LRTM3: variants seen among roughly 807,000 people sequenced by gnomAD.
The protein encoded by LRTM3 is leucine-rich repeat transmembrane protein 3.
the LRTM3 span, chr13:102,744,180 T>C: frequency 5.2e-6 from 8 of 1,550,452 alleles, no homozygotes; most frequent in Non-Finnish European, 6.1e-6. Flanking sequence ...GAATATCTTA[T>C]GATATTAAAC....
the LRTM3 span, chr13:102,740,379 G>T: frequency 3.2e-6 from 5 of 1,550,294 alleles, no homozygotes; most frequent in Middle Eastern, 3.3e-4. Context: ...AACAAGTCTA[G>T]TCCTGGTGTC....
chr13:102,731,621 A>G, the LRTM3 span: 4 of 1,551,428 alleles, frequency 2.6e-6, no homozygotes, highest in Non-Finnish European at 3.5e-6. Context: ...TTTGTCTTGG[A>G]TCATATTTTT....
the LRTM3 span, chr13:102,759,059 A>G: frequency 6.5e-6 from 4 of 614,090 alleles, no homozygotes; most frequent in Non-Finnish European, 1.1e-5. Context: ...TGCTGCTGGT[A>G]TCTTATCAAG....
the LRTM3 span, among the ~76,000 whole-genome samples, chr13:102,753,983 G>T: frequency 8.5e-5 from 13 of 152,256 alleles, no homozygotes; most frequent in African/African-American, 2.4e-4. Flanking sequence ...GGCCGAAGCA[G>T]GTGGATCACT....
At chr13:102,745,913 C>T in the LRTM3 span, 1 of 1,551,134 alleles carries the variant, frequency 6.4e-7, no homozygotes, top group Non-Finnish European at 8.7e-7. Context: ...AATATTTGTA[C>T]TTCCTGGTTG....
At chr13:102,755,685 G>C in the LRTM3 span, among the ~76,000 whole-genome samples, 1 of 151,624 alleles carries the variant, frequency 6.6e-6, no homozygotes, top group Non-Finnish European at 1.5e-5. Flanking sequence ...TTAGAGGACA[G>C]GTCAATAGGT....
the LRTM3 span, chr13:102,735,054 C>T: frequency 3.2e-6 from 5 of 1,551,094 alleles, no homozygotes; most frequent in African/African-American, 4.1e-5. Flanking sequence ...CCTGTATTCA[C>T]ATTAAGGTGA....
the LRTM3 span, chr13:102,741,889 C>T: frequency 0.031 from 48,674 of 1,550,216 alleles, 1,290 homozygotes; most frequent in African/African-American, 0.12. Flanking sequence ...TAATCCTTAA[C>T]GGTCCAATAT....
At chr13:102,749,107 T>G in the LRTM3 span, 2 of 1,549,708 alleles carry the variant, frequency 1.3e-6, no homozygotes, top group Non-Finnish European at 1.7e-6. Context: ...TCCTTTCATG[T>G]AATTCTTTCT....
the LRTM3 span, chr13:102,758,900 C>T: frequency 2.6e-6 from 4 of 1,544,380 alleles, no homozygotes; most frequent in Middle Eastern, 1.7e-4. Flanking sequence ...CACTCCCTAC[C>T]CCTTTTTTAA....
chr13:102,747,439 G>A, the LRTM3 span: 15 of 1,547,772 alleles, frequency 9.7e-6, no homozygotes, highest in East Asian at 3.2e-4. Context: ...TTACATATTT[G>A]ACACTGAGTA....
the LRTM3 span, chr13:102,748,104 C>T: frequency 6.4e-7 from 1 of 1,551,044 alleles, no homozygotes; most frequent in Non-Finnish European, 8.7e-7. Context: ...AATGTGTCTG[C>T]CTTGGCTTTT....
the LRTM3 span, chr13:102,736,136 T>G: frequency 6.5e-7 from 1 of 1,542,478 alleles, no homozygotes; most frequent in Admixed American, 2.0e-5. Flanking sequence ...AAGTCTGCTT[T>G]TTCCTGCACC....
chr13:102,737,557 A>G, the LRTM3 span: 4 of 1,550,048 alleles, frequency 2.6e-6, no homozygotes, highest in African/African-American at 1.4e-5. Context: ...GGCCTTCTCC[A>G]TCCCTTTTCC....
At chr13:102,739,521 T>G in the LRTM3 span, 2 of 1,550,374 alleles carry the variant, frequency 1.3e-6, no homozygotes, top group Non-Finnish European at 1.7e-6. Flanking sequence ...GGTAAAGAAG[T>G]ACACAAGTTT....
At chr13:102,733,675 C>T in the LRTM3 span, 1 of 1,551,288 alleles carries the variant, frequency 6.4e-7, no homozygotes, top group Non-Finnish European at 8.7e-7. Flanking sequence ...GCCATTCCGG[C>T]CTTTTCCCAC....
chr13:102,741,535 T>G, the LRTM3 span: 1 of 1,550,138 alleles, frequency 6.5e-7, no homozygotes, highest in Non-Finnish European at 8.7e-7. Flanking sequence ...ACACATCTTC[T>G]TCCTCAGTTA....
chr13:102,734,316 G>A, the LRTM3 span: 5 of 1,551,214 alleles, frequency 3.2e-6, no homozygotes, highest in African/African-American at 6.8e-5. Context: ...GGCATTAGTG[G>A]AAGTACAAAG....
At chr13:102,748,245 C>G in the LRTM3 span, 1 of 1,551,184 alleles carries the variant, frequency 6.4e-7, no homozygotes, top group Non-Finnish European at 8.7e-7. Context: ...TCCAGTTCCT[C>G]ACTTTCACGT....
Sources: allele counts gnomAD v4.1 joint callset (sites outside exome capture counted in the v4.1 genomes callset), GRCh38; gene constraint gnomAD v4.1.1; transcripts MANE v1.5; gene names NCBI Gene and HGNC (gene_info 2026-07-23, HGNC 2026-07-21).